Variants in ARRDC5 observed in about 807,000 individuals in gnomAD.
ARRDC5 encodes arrestin domain-containing protein 5.
ARRDC5 carries 12 observed loss-of-function variants against 13.3 expected under a neutral mutation model. The observed-to-expected ratio is 0.90, with a 90% confidence interval of 0.58 to 1.46. The LOEUF is 1.46. Ranked by LOEUF, ARRDC5 falls within the 40% of genes most tolerant of loss-of-function variation. The pLI is 0.00. For missense variants in ARRDC5, 406 were observed against 418.7 expected (o/e 0.97, Z 0.26); for synonymous variants, 181 against 173.4 (o/e 1.04, Z -0.34).
At chr19:4,905,119 T>C (rs1002226969), upstream of ARRDC5, among the ~76,000 whole-genome samples, 8 of 141,448 alleles carry the variant, frequency 5.7e-5, no homozygotes, top group South Asian at 4.9e-4. Context: ...TTTTTTTTTT[T>C]TTTTTTTTTT....
At chr19:4,913,326 T>C in the ARRDC5 span, among the ~76,000 whole-genome samples, 1 of 142,272 alleles carries the variant, frequency 7.0e-6, no homozygotes, top group Non-Finnish European at 1.5e-5. Flanking sequence ...CGATCTGGGC[T>C]CACTGCAACC....
In ARRDC5 at chr19:4,896,702, G is replaced by T; in HGVS notation, c.428C>A (p.Thr143Asn). ...KKRMYLLVQG[T>N]STFHKETPFQ... ...TGGGGTTTCTTTGTGGAAGGTGGAAGTTCCTTGAACCAATAAGTACATCCT... is the reference window on the plus strand; with the variant it reads ...TGGGGTTTCTTTGTGGAAGGTGGAATTTCCTTGAACCAATAAGTACATCCT... Residue 143 changes from threonine to asparagine, a missense_variant, in exon 2 of 3, where the codon ACT becomes AAT. Coordinates refer to ENST00000650722, the MANE Select transcript of ARRDC5 (RefSeq NM_001080523.3). The T allele has an allele frequency of 6.2e-7, 1 of 1,613,560 alleles. No homozygotes were observed. The highest frequency in any genetic ancestry group is 8.5e-7 in the Non-Finnish European group (1 of 1,179,622).
chr19:4,903,034 T>TCACTGGTTC (rs1555742282), upstream of ARRDC5: 56 of 599,252 alleles, frequency 9.3e-5, 2 homozygotes, highest in South Asian at 1.4e-4. Flanking sequence ...TGGTTCTTTT[T>TCACTGGTTC]TTTTTTTTTT....
Position 4,891,416 on chromosome 19 carries a change from T to C in ARRDC5, c.617A>G (p.Lys206Arg), listed in dbSNP as rs766649177. ...EINNQTSKCI[K>R]TVVFALYAHI... ...GGCATACAGGGCGAATACGACCGTC[T>C]TGATGCATTTGCTGGTCTGGTTGTT... is the stretch of plus-strand genomic sequence containing the variant. Residue 206 changes from lysine to arginine, a missense_variant, in exon 3 of 3, where the codon AAG becomes AGG. By Grantham distance (26) the Lys-to-Arg change is conservative. Transcript: ENST00000650722. 13 of 1,613,352 alleles carry C rather than the reference T, an allele frequency of 8.1e-6. No homozygotes were observed. Among genetic ancestry groups the C allele is most frequent in the African/African-American group, 1.3e-5 (1 of 74,940 alleles).
the ARRDC5 span, among the ~76,000 whole-genome samples, chr19:4,913,961 G>A: frequency 2.8e-4 from 43 of 151,902 alleles, no homozygotes; most frequent in Admixed American, 2.7e-3. Flanking sequence ...ACAGGTGTGC[G>A]CCACCATGCG....
the ARRDC5 span, chr19:4,909,462 C>T: frequency 3.1e-6 from 2 of 654,194 alleles, no homozygotes; most frequent in Non-Finnish European, 5.5e-6. Flanking sequence ...CCTGCGGCCC[C>T]GCAACTCCCA....
intron 2 of ARRDC5, among the ~76,000 whole-genome samples, chr19:4,896,346 A>AT (rs2031718855): frequency 1.4e-5 from 1 of 72,128 alleles, no homozygotes; most frequent in Non-Finnish European, 2.3e-5. Flanking sequence ...ATATATATAT[A>AT]TATTTTTTTT....
At chr19:4,902,237 C>A (rs906949652) in intron 1 of ARRDC5, among the ~76,000 whole-genome samples, 1 of 152,132 alleles carries the variant, frequency 6.6e-6, no homozygotes, top group Non-Finnish European at 1.5e-5. Context: ...TACTTTGTCT[C>A]CTGGGGTTTT....
upstream of ARRDC5, chr19:4,903,201 G>A (rs2031983905): frequency 4.2e-6 from 1 of 239,342 alleles, no homozygotes; most frequent in South Asian, 5.4e-5. Context: ...TAATTTTTTG[G>A]TAGAGACAGA....
chr19:4,905,368 C>T (rs2032045889), upstream of ARRDC5, among the ~76,000 whole-genome samples: 1 of 151,628 alleles, frequency 6.6e-6, no homozygotes, highest in South Asian at 2.1e-4. Context: ...ATCCACCTGC[C>T]TCAGCCTCCC....
At chr19:4,892,557 C>T (rs1182950821) in intron 2 of ARRDC5, among the ~76,000 whole-genome samples, 1 of 151,110 alleles carries the variant, frequency 6.6e-6, no homozygotes, top group African/African-American at 2.4e-5. Context: ...GAAGGTCTCA[C>T]TATGTTGTCC....
the ARRDC5 span, among the ~76,000 whole-genome samples, chr19:4,914,480 A>T: frequency 6.6e-6 from 1 of 151,946 alleles, no homozygotes. Context: ...AGCAGAACAG[A>T]GTTGGGTCTG....
chr19:4,911,833 G>A, the ARRDC5 span, among the ~76,000 whole-genome samples: 1 of 152,158 alleles, frequency 6.6e-6, no homozygotes, highest in Admixed American at 6.6e-5. Flanking sequence ...CGAAGGTGTA[G>A]GTCCCATCTG....
the ARRDC5 span, chr19:4,909,202 G>T: frequency 2.2e-6 from 1 of 462,478 alleles, no homozygotes; most frequent in Non-Finnish European, 3.8e-6. Flanking sequence ...GGACTTAAGA[G>T]TTCAGGGGGT....
Position 4,890,986 on chromosome 19 carries a change from A to T in ARRDC5, c.*60T>A. 1 of 1,441,656 alleles carries T rather than the reference A, an allele frequency of 6.9e-7. No individual in the cohort carries two copies. The highest frequency in any genetic ancestry group is 2.3e-5 in the East Asian group (1 of 42,658). The allele number at this position is 1,441,656 out of a possible 1,614,324, so 89.3% of individuals were successfully genotyped here. On this transcript the variant is annotated 3_prime_UTR_variant, in exon 3 of 3. Coordinates refer to ENST00000650722, the MANE Select transcript of ARRDC5 (RefSeq NM_001080523.3). ...CTCCTCTGAGAGTCACCTGTGCAAG[A>T]GAGAGGGCTTCCTCCTGGTAGAGAC...
chr19:4,891,581 G>C lies in ARRDC5; in HGVS notation c.460-8C>G, dbSNP rs763361833. ...CTCCACGAACAAGGGGTTCTAGGAG[G>C]ATGTGGGGGAACAGACAACCGTGAG... is the stretch of plus-strand genomic sequence containing the variant. On this transcript the variant is annotated splice_region_variant and splice_polypyrimidine_tract_variant and intron_variant, in intron 2 of 2. Coordinates refer to ENST00000650722, the MANE Select transcript of ARRDC5 (RefSeq NM_001080523.3). The C allele has an allele frequency of 5.0e-6, 8 of 1,604,304 alleles. No individual in the cohort carries two copies. In the East Asian group the frequency reaches 1.6e-4, roughly 31 times the overall value.
At chr19:4,914,059 C>G in the ARRDC5 span, among the ~76,000 whole-genome samples, 1 of 152,066 alleles carries the variant, frequency 6.6e-6, no homozygotes. Flanking sequence ...AGGTGATTCA[C>G]ACCCCCCTCC....
At chr19:4,907,037 A>G (rs1419241946), upstream of ARRDC5, among the ~76,000 whole-genome samples, 7 of 152,328 alleles carry the variant, frequency 4.6e-5, no homozygotes, top group African/African-American at 1.7e-4. Flanking sequence ...CACCATCTGG[A>G]CATCGTGGAT....
At chr19:4,901,987 A>C (rs578066186) in intron 1 of ARRDC5, among the ~76,000 whole-genome samples, 2 of 152,118 alleles carry the variant, frequency 1.3e-5, no homozygotes, top group African/African-American at 2.4e-5. Context: ...CACGAGTTCA[A>C]GTGATTCTCT....
Sources: gnomAD v4.1 joint callset for allele counts (sites outside exome capture counted in the v4.1 genomes callset) on GRCh38, gnomAD v4.1.1 for gene constraint, MANE v1.5 for transcripts, NCBI Gene and HGNC (gene_info 2026-07-23, HGNC 2026-07-21) for gene names.